Variants in FGF7 observed in about 807,000 individuals in gnomAD.
The protein encoded by FGF7 is fibroblast growth factor 7, also known as FGF-7.
Under a neutral mutation model 20.5 loss-of-function variants are expected in FGF7, and 6 were observed. The observed-to-expected ratio is 0.29, with a 90% CI of 0.16 to 0.58. The LOEUF is 0.58. Ranked by LOEUF, FGF7 falls within the 20% of genes least tolerant of loss-of-function variation. The pLI is 0.90. For synonymous variants in FGF7, 64 were observed against 74.7 expected (o/e 0.86, Z 0.74); for missense variants, 144 against 228.8 (o/e 0.63, Z 2.39).
chr15:49,434,246 C>T (rs563903434), intron 2 of FGF7: 1 of 151,604 alleles, frequency 6.6e-6, no homozygotes, highest in Admixed American at 6.6e-5. Context: ...CCTTTGTTTG[C>T]ATGAATAATG....
intron 2 of FGF7, chr15:49,425,287 A>G (rs958882949): frequency 8.6e-5 from 13 of 151,970 alleles, no homozygotes; most frequent in African/African-American, 3.1e-4. Flanking sequence ...GCTGGAAGAG[A>G]TGGTAATTCC....
rs186393530 is a variant in FGF7 at position 49,471,570 on chromosome 15, G to A, written c.287-11581G>A. On this transcript the variant is annotated intron_variant, in intron 2 of 3. Coordinates refer to ENST00000267843, the MANE Select transcript of FGF7 (RefSeq NM_002009.4). ...ATGAATTTATATACAGAAGAAAGATGACAGATATGTAGAGTACTGAACATA... is the reference window on the plus strand; with the variant it reads ...ATGAATTTATATACAGAAGAAAGATAACAGATATGTAGAGTACTGAACATA... 4.0e-5 allele frequency among the ~76,000 whole-genome samples: 6 copies of A among 151,120 alleles called. No homozygotes were observed. The East Asian group carries it at 1.2e-3, about 29-fold the overall frequency.
At chr15:49,456,526 C>A (rs2053307000) in intron 2 of FGF7, among the ~76,000 whole-genome samples, 1 of 152,054 alleles carries the variant, frequency 6.6e-6, no homozygotes, top group Non-Finnish European at 1.5e-5. Context: ...TATATGCAAG[C>A]ATTCAACTGG....
chr15:49,441,555 T>G (rs2051645616), intron 2 of FGF7, among the ~76,000 whole-genome samples: 1 of 151,544 alleles, frequency 6.6e-6, no homozygotes, highest in Non-Finnish European at 1.5e-5. Flanking sequence ...GACACAAAGA[T>G]TAGTTAGGAT....
At chr15:49,462,502 T>C (rs1054146401) in intron 2 of FGF7, among the ~76,000 whole-genome samples, 1 of 152,370 alleles carries the variant, frequency 6.6e-6, no homozygotes, top group South Asian at 2.1e-4. Context: ...TCTAACATAA[T>C]TTGTTAAAAA....
rs2152032506 is a variant in FGF7 at position 49,485,923 on chromosome 15, A to G, written c.*1419A>G. 6.6e-6 allele frequency: 1 copy of G among 152,160 alleles called. No individual in the cohort carries two copies. Among genetic ancestry groups the G allele is most frequent in the Admixed American group, 6.6e-5 (1 of 15,248 alleles). The allele number at this position is 152,160 out of a possible 1,614,324, so 9.4% of individuals were successfully genotyped here. A position where few individuals can be genotyped will look rare whatever the true frequency, so the allele number is the denominator to read the frequency against. ...AGTTGTTTTCCTGTTAGATGGCAAG[A>G]GCACAATGCCCAAAATAGAAGATGC... On this transcript the variant is annotated 3_prime_UTR_variant, in exon 4 of 4. Transcript: ENST00000267843.
intron 2 of FGF7, among the ~76,000 whole-genome samples, chr15:49,469,606 G>A (rs1349858998): frequency 6.6e-6 from 1 of 152,030 alleles, no homozygotes; most frequent in East Asian, 1.9e-4. Flanking sequence ...GTATTGAATT[G>A]AAATAATTCA....
At chr15:49,455,188 C>G (rs909951282) in intron 2 of FGF7, among the ~76,000 whole-genome samples, 2 of 152,138 alleles carry the variant, frequency 1.3e-5, no homozygotes, top group Non-Finnish European at 2.9e-5. Context: ...ACAGGCACCT[C>G]AAGTCTGGTG....
At chr15:49,426,087 C>T (rs528193320) in intron 2 of FGF7, among the ~76,000 whole-genome samples, 12 of 151,408 alleles carry the variant, frequency 7.9e-5, no homozygotes, top group South Asian at 2.1e-4. Context: ...CTGGTGGAGA[C>T]GACAGAGCCT....
intron 2 of FGF7, among the ~76,000 whole-genome samples, chr15:49,476,876 G>A (rs1434734932): frequency 2.6e-5 from 4 of 151,970 alleles, no homozygotes; most frequent in Non-Finnish European, 4.4e-5. Flanking sequence ...TGGCTAACAC[G>A]GTGAAACCTC....
At position 49,462,971 on chromosome 15, in the gene FGF7, T is replaced by C. The variant is rs563836247; in HGVS notation, c.287-20180T>C. ...ATAAATATAGCATTATTGGATTCTC[T>C]AAATATCAACAATACTTTGAGGTCT... On this transcript the variant is annotated intron_variant, in intron 2 of 3. Transcript: ENST00000267843. Among the ~76,000 whole-genome samples, 10 of 152,376 alleles carry C rather than the reference T, an allele frequency of 6.6e-5. No individual in the cohort carries two copies. In the South Asian group the frequency reaches 1.2e-3, roughly 19 times the overall value.
chr15:49,423,567 ATTAT>A (rs1403524255), intron 1 of FGF7, 127 bp downstream of exon 1: 11 of 152,166 alleles, frequency 7.2e-5, no homozygotes, highest in Non-Finnish European at 1.2e-4. Flanking sequence ...AACTATAGTA[ATTAT>A]GCTGTAGAAC....
intron 2 of FGF7, among the ~76,000 whole-genome samples, chr15:49,454,466 T>C (rs2053077992): frequency 6.6e-6 from 1 of 152,204 alleles, no homozygotes. Context: ...CCTATCAGCA[T>C]ATCCTCAAGT....
intron 2 of FGF7, among the ~76,000 whole-genome samples, chr15:49,440,876 T>C (rs77278579): frequency 2.2e-3 from 335 of 151,884 alleles, no homozygotes; most frequent in African/African-American, 7.5e-3. Context: ...TTAAACATTC[T>C]AATATTTTAA....
At chr15:49,461,515 C>G (rs1417191127) in intron 2 of FGF7, among the ~76,000 whole-genome samples, 2 of 152,188 alleles carry the variant, frequency 1.3e-5, no homozygotes, top group Non-Finnish European at 2.9e-5. Context: ...ATGCTCTATA[C>G]TTCTCCTACT....
At chr15:49,433,647 C>G (rs193114692) in intron 2 of FGF7, among the ~76,000 whole-genome samples, 51 of 151,644 alleles carry the variant, frequency 3.4e-4, no homozygotes, top group African/African-American at 1.2e-3. Context: ...TTTCAAGGAA[C>G]TGGTGGAAAA....
chr15:49,469,672 A>G (rs2054562797), intron 2 of FGF7, among the ~76,000 whole-genome samples: 1 of 152,186 alleles, frequency 6.6e-6, no homozygotes, highest in African/African-American at 2.4e-5. Flanking sequence ...AAAAGTAGCC[A>G]AGGAACTTCA....
intron 2 of FGF7, among the ~76,000 whole-genome samples, chr15:49,426,792 A>G (rs1180835651): frequency 6.6e-6 from 1 of 151,986 alleles, no homozygotes; most frequent in East Asian, 1.9e-4. Context: ...CTAAAAAGAC[A>G]AGATACACAT....
rs949094383 is a variant in FGF7, at chr15:49,486,807, A to G, written c.*2303A>G. 6 of 151,826 alleles carry G rather than the reference A, an allele frequency of 4.0e-5. No homozygotes were observed. Among genetic ancestry groups the G allele is most frequent in the African/African-American group, 7.2e-5 (3 of 41,384 alleles). The allele number at this position is 151,826 out of a possible 1,614,324, so 9.4% of individuals were successfully genotyped here. On this transcript the variant is annotated 3_prime_UTR_variant, in exon 4 of 4. Coordinates refer to ENST00000267843, the MANE Select transcript of FGF7 (RefSeq NM_002009.4). ...ATTATTTGTTTTTCTCCTATTTTTAAATTTATTATGCAAATTTTAGAAAAT... is the reference window on the plus strand; with the variant it reads ...ATTATTTGTTTTTCTCCTATTTTTAGATTTATTATGCAAATTTTAGAAAAT...
Sources: allele counts gnomAD v4.1 joint callset (sites outside exome capture counted in the v4.1 genomes callset), GRCh38; gene constraint gnomAD v4.1.1; transcripts MANE v1.5; gene names NCBI Gene and HGNC (gene_info 2026-07-23, HGNC 2026-07-21).